The following PAPPA2 variants were observed in gnomAD, a reference collection of about 807,000 sequenced individuals.
The protein encoded by PAPPA2 is pappalysin-2.
Under a neutral mutation model 176.4 loss-of-function variants are expected in PAPPA2, and 86 were observed. The ratio of observed to expected loss-of-function variants is 0.49; its 90% CI spans 0.41 to 0.58. The LOEUF (loss-of-function observed/expected upper bound fraction) is 0.58. Ranked by LOEUF, PAPPA2 falls within the 20% of genes least tolerant of loss-of-function variation. PAPPA2 has a pLI of 0.00. For synonymous variants in PAPPA2, 809 were observed against 852.2 expected, an observed-to-expected ratio of 0.95 and a Z score of 0.88; for missense variants, 2,073 against 2,256.9, an observed-to-expected ratio of 0.92 and a Z score of 1.65.
At chr1:176,690,668 T>G in intron 5 of PAPPA2, 1 of 1,322,678 alleles carries the variant, frequency 7.6e-7, no homozygotes, top group African/African-American at 1.5e-5. Context: ...TATTTTAAAA[T>G]ATACTTCTAT....
At chr1:176,768,335 G>A (rs559173833) in intron 15 of PAPPA2, among the ~76,000 whole-genome samples, 2 of 152,170 alleles carry the variant, frequency 1.3e-5, no homozygotes, top group Admixed American at 1.3e-4. Flanking sequence ...CTCCCTGGCC[G>A]AGGATGGCAG....
intron 3 of PAPPA2, among the ~76,000 whole-genome samples, chr1:176,621,600 T>C (rs955413276): frequency 6.6e-6 from 1 of 152,160 alleles, no homozygotes; most frequent in Non-Finnish European, 1.5e-5. Context: ...TGGTTGTTTT[T>C]GACAAAGCCA....
intron 10 of PAPPA2, among the ~76,000 whole-genome samples, chr1:176,708,363 G>T (rs776998974): frequency 6.6e-6 from 1 of 151,944 alleles, no homozygotes; most frequent in African/African-American, 2.4e-5. Flanking sequence ...CAAAATATCA[G>T]GTTTGAAGGA....
chr1:176,754,442 A>G (rs1277147979), intron 14 of PAPPA2, among the ~76,000 whole-genome samples: 1 of 152,258 alleles, frequency 6.6e-6, no homozygotes, highest in East Asian at 1.9e-4. Flanking sequence ...AAGTGTTTTA[A>G]GTCTTTACCA....
chr1:176,799,732 C>T (rs1665592136), intron 20 of PAPPA2, among the ~76,000 whole-genome samples: 1 of 152,134 alleles, frequency 6.6e-6, no homozygotes, highest in Non-Finnish European at 1.5e-5. Context: ...TAATATTATG[C>T]CTGAAACCAG....
chr1:176,642,192 G>A (rs968347103), intron 3 of PAPPA2, among the ~76,000 whole-genome samples: 1 of 151,738 alleles, frequency 6.6e-6, no homozygotes, highest in African/African-American at 2.4e-5. Context: ...AAATGAGGAA[G>A]GCATGATTAT....
intron 12 of PAPPA2, among the ~76,000 whole-genome samples, chr1:176,730,312 A>AT (rs934330835): frequency 2.6e-5 from 4 of 151,520 alleles, no homozygotes; most frequent in Admixed American, 2.0e-4. Flanking sequence ...TTAATGTCTT[A>AT]TTTTTTTCTA....
intron 7 of PAPPA2, 81 bp downstream of exon 7, chr1:176,695,940 T>C: frequency 6.5e-7 from 1 of 1,543,974 alleles, no homozygotes. Context: ...AGTAGTGACA[T>C]GGTGACAAAA....
Position 176,690,364 on chromosome 1 carries a change from A to G in PAPPA2, c.2365A>G (p.Thr789Ala), listed in dbSNP as rs560597861. The change falls in exon 5 of 23, where the codon ACT (threonine) becomes GCT (alanine). Residue 789 changes from threonine (T) to alanine (A), a missense_variant. Transcript: ENST00000367662. ...KSELCREPEP[T>A]SDTCGFTRFP... ...TGAGCTGTGCCGGGAACCAGAGCCC[A>G]CTAGTGACACCTGTGGCTTCACTCG... The G allele has an allele frequency of 3.7e-5, 60 of 1,614,188 alleles. No individual in the cohort carries two copies. In the South Asian group the frequency reaches 6.3e-4, roughly 17 times the overall value.
intron 1 of PAPPA2, among the ~76,000 whole-genome samples, chr1:176,544,601 C>A (rs1232100250): frequency 6.6e-6 from 1 of 152,164 alleles, no homozygotes; most frequent in East Asian, 1.9e-4. Context: ...TTCTTCAATT[C>A]TCTGTGGATG....
chr1:176,592,995 A>G (rs1365939310), intron 2 of PAPPA2, among the ~76,000 whole-genome samples: 1 of 152,228 alleles, frequency 6.6e-6, no homozygotes, highest in Admixed American at 6.5e-5. Context: ...CCCCAGTGTG[A>G]AAACAATAAC....
chr1:176,466,635 A>G (rs1462382222), intron 1 of PAPPA2, among the ~76,000 whole-genome samples: 1 of 152,142 alleles, frequency 6.6e-6, no homozygotes, highest in Non-Finnish European at 1.5e-5. Context: ...TGAGCCTTGA[A>G]TGAATCAGAG....
chr1:176,533,244 G>A (rs1347302042), intron 1 of PAPPA2, among the ~76,000 whole-genome samples: 1 of 152,238 alleles, frequency 6.6e-6, no homozygotes, highest in Non-Finnish European at 1.5e-5. Flanking sequence ...AAAGGTGTGA[G>A]TCAAATGCTA....
chr1:176,639,936 T>G (rs1372736580), intron 3 of PAPPA2, among the ~76,000 whole-genome samples: 1 of 151,440 alleles, frequency 6.6e-6, no homozygotes, highest in African/African-American at 2.4e-5. Flanking sequence ...ATTTTTTACA[T>G]TATGTTCATT....
At position 176,555,576 on chromosome 1, in the gene PAPPA2, G is replaced by A. The variant is rs772178751; in HGVS notation, c.-747G>A. The A allele has an allele frequency of 6.6e-6, 1 of 152,226 alleles. No individual in the cohort carries two copies. The highest frequency in any genetic ancestry group is 1.5e-5 in the Non-Finnish European group (1 of 68,064). The allele number at this position is 152,226 out of a possible 1,614,324, so 9.4% of individuals were successfully genotyped here. On this transcript the variant is annotated 5_prime_UTR_variant, in exon 2 of 23. Coordinates refer to ENST00000367662, the MANE Select transcript of PAPPA2 (RefSeq NM_020318.3). Reference sequence around the variant, plus strand: ...CAACAACCCCAAGCATCAAACTGAAGGAAACATTCTAACCTTCACAGACAG... The same window carrying A: ...CAACAACCCCAAGCATCAAACTGAAAGAAACATTCTAACCTTCACAGACAG...
chr1:176,837,516 A>G (rs1667321015), intron 21 of PAPPA2, among the ~76,000 whole-genome samples: 1 of 151,188 alleles, frequency 6.6e-6, no homozygotes, highest in African/African-American at 2.4e-5. Flanking sequence ...TTTTATAAAG[A>G]TATTTTTGTT....
intron 2 of PAPPA2, among the ~76,000 whole-genome samples, chr1:176,581,637 A>G (rs1184139312): frequency 6.6e-6 from 1 of 152,002 alleles, no homozygotes; most frequent in Non-Finnish European, 1.5e-5. Flanking sequence ...TTCTTTCATC[A>G]GTGTGTTGTA....
At chr1:176,483,461 T>G (rs1483479253) in intron 1 of PAPPA2, among the ~76,000 whole-genome samples, 2 of 2,322 alleles carry the variant, frequency 8.6e-4, no homozygotes, top group Non-Finnish European at 4.2e-3. Context: ...CTCAGACATC[T>G]TTTTTTTTTT....
chr1:176,477,884 C>G (rs1198056615), intron 1 of PAPPA2, among the ~76,000 whole-genome samples: 1 of 152,166 alleles, frequency 6.6e-6, no homozygotes, highest in Non-Finnish European at 1.5e-5. Flanking sequence ...CTATAAGGAT[C>G]CCAGACTCAC....
Sources: gnomAD v4.1 joint callset for allele counts (sites outside exome capture counted in the v4.1 genomes callset) on GRCh38, gnomAD v4.1.1 for gene constraint, MANE v1.5 for transcripts, NCBI Gene and HGNC (gene_info 2026-07-23, HGNC 2026-07-21) for gene names.